The following DAB1 variants were observed in gnomAD, a reference collection of about 807,000 sequenced individuals.
DAB1 encodes the protein DAB adaptor protein 1, also known as disabled homolog 1.
Under a neutral mutation model 64.6 loss-of-function variants are expected in DAB1, and 15 were observed. That is an observed-to-expected ratio of 0.23 (90% CI 0.16 to 0.36). The LOEUF (loss-of-function observed/expected upper bound fraction) is 0.36, where lower values mean the gene tolerates loss of function less well. DAB1 is among the 10% of genes least tolerant of loss of function. The pLI is 1.00. For synonymous variants in DAB1, 235 were observed against 251.9 expected (o/e 0.93, Z 0.64); for missense variants, 596 against 706.7 (o/e 0.84, Z 1.78).
intron 2 of DAB1, among the ~76,000 whole-genome samples, chr1:57,206,583 C>A (rs76595929): frequency 0.029 from 4,455 of 152,222 alleles, 218 homozygotes; most frequent in African/African-American, 0.1. Context: ...GCCATTTACC[C>A]CAGTTTGGGG....
intron 5 of DAB1, among the ~76,000 whole-genome samples, chr1:58,012,007 TAC>T (rs1189916146): frequency 6.6e-6 from 1 of 152,158 alleles, no homozygotes; most frequent in Non-Finnish European, 1.5e-5. Context: ...TTATTGTGCA[TAC>T]ATATATATTT....
At chr1:58,000,743 G>C (rs969967358) in intron 5 of DAB1, among the ~76,000 whole-genome samples, 1 of 151,720 alleles carries the variant, frequency 6.6e-6, no homozygotes, top group African/African-American at 2.4e-5. Context: ...GCTAATCCTT[G>C]TATTTTTAGT....
rs140151510 is a variant in DAB1 at position 57,568,609 on chromosome 1, G to A, written n.625+80983C>T. On this transcript the variant is annotated intron_variant and non_coding_transcript_variant, in intron 7 of 20. Transcript: ENST00000485760. ...AAAACAAACAACCTCATCAAAAACC[G>A]GGCAAAAGGTATGAACAGACATGTC... 2.6e-3 allele frequency among the ~76,000 whole-genome samples: 394 copies of A among 152,098 alleles called. 1 individual carries two copies. Among genetic ancestry groups the A allele is most frequent in the African/African-American group, 8.6e-3 (357 of 41,470 alleles).
intron 6 of DAB1, among the ~76,000 whole-genome samples, chr1:57,798,431 G>A (rs919526476): frequency 3.9e-5 from 6 of 152,196 alleles, no homozygotes; most frequent in African/African-American, 1.4e-4. Context: ...TGTCTTCTAT[G>A]CTTGCTGTGC....
At chr1:57,914,780 T>C (rs11207129) in intron 5 of DAB1, among the ~76,000 whole-genome samples, 1 of 151,916 alleles carries the variant, frequency 6.6e-6, no homozygotes, top group Non-Finnish European at 1.5e-5. Flanking sequence ...ACTCAATGGA[T>C]CATATAAACA....
At chr1:57,233,463 T>C (rs1240381611) in intron 2 of DAB1, among the ~76,000 whole-genome samples, 2 of 151,684 alleles carry the variant, frequency 1.3e-5, no homozygotes, top group Admixed American at 1.3e-4. Context: ...AACAAACTTA[T>C]TTTAAACCTG....
At chr1:57,729,034 A>C (rs1001709312) in intron 6 of DAB1, among the ~76,000 whole-genome samples, 1 of 152,150 alleles carries the variant, frequency 6.6e-6, no homozygotes, top group African/African-American at 2.4e-5. Context: ...AGCTTTAGGT[A>C]TTTTCCAGAA....
At chr1:58,225,228 C>T (rs1659401239) in intron 4 of DAB1, among the ~76,000 whole-genome samples, 2 of 151,746 alleles carry the variant, frequency 1.3e-5, no homozygotes, top group South Asian at 4.2e-4. Flanking sequence ...TCATCACTGG[C>T]CATCAGAGAA....
At chr1:57,813,000 A>T (rs1651699043) in intron 6 of DAB1, among the ~76,000 whole-genome samples, 1 of 152,216 alleles carries the variant, frequency 6.6e-6, no homozygotes, top group Non-Finnish European at 1.5e-5. Context: ...CTTTTAAAGG[A>T]TCATATCACA....
At chr1:57,985,579 A>G (rs1469835000) in intron 5 of DAB1, among the ~76,000 whole-genome samples, 1 of 152,170 alleles carries the variant, frequency 6.6e-6, no homozygotes, top group African/African-American at 2.4e-5. Flanking sequence ...AACTGGTGTA[A>G]GGAGTCAAGG....
intron 1 of DAB1, among the ~76,000 whole-genome samples, chr1:57,882,081 G>C (rs576413604): frequency 1.3e-5 from 2 of 152,290 alleles, no homozygotes; most frequent in South Asian, 2.1e-4. Context: ...CCTTTAAAAA[G>C]AGAGATTCTT....
chr1:57,807,685 A>T (rs1036451433), intron 6 of DAB1, among the ~76,000 whole-genome samples: 4 of 151,686 alleles, frequency 2.6e-5, no homozygotes, highest in Non-Finnish European at 4.4e-5. Context: ...TATATTAAAA[A>T]TTTTTTTTCA....
At chr1:57,374,992 G>A (rs1359316507) in intron 1 of DAB1, among the ~76,000 whole-genome samples, 1 of 151,850 alleles carries the variant, frequency 6.6e-6, no homozygotes, top group Non-Finnish European at 1.5e-5. Flanking sequence ...CAGGATACAG[G>A]CTTCTGCCCA....
In DAB1 at chr1:57,382,694, T is replaced by C. The variant is rs945494988; in HGVS notation, c.-137+41236A>G. Among the ~76,000 whole-genome samples the C allele has an allele frequency of 2.6e-5, 4 of 152,266 alleles. No individual in the cohort carries two copies. The South Asian group carries it at 8.3e-4, about 32-fold the overall frequency. ...AGTCCTTCTCACGCTGCCAACTCTC[T>C]GGTTCTTTGCAGCCGGGGAAAGGTT... On this transcript the variant is annotated intron_variant, in intron 1 of 14. Transcript: ENST00000371236.
chr1:57,468,385 G>GC (rs1687026261), intron 7 of DAB1, among the ~76,000 whole-genome samples: 2 of 152,156 alleles, frequency 1.3e-5, no homozygotes, highest in Non-Finnish European at 2.9e-5. Flanking sequence ...GTTGGAGTCA[G>GC]ACTACAGAAA....
chr1:58,030,380 A>G (rs960593400), intron 5 of DAB1, among the ~76,000 whole-genome samples: 1 of 152,202 alleles, frequency 6.6e-6, no homozygotes, highest in African/African-American at 2.4e-5. Flanking sequence ...TTCCACAACA[A>G]GCATATACTA....
At chr1:57,223,472 C>T (rs1413816864) in intron 2 of DAB1, among the ~76,000 whole-genome samples, 1 of 152,130 alleles carries the variant, frequency 6.6e-6, no homozygotes, top group Admixed American at 6.6e-5. Context: ...CTGCCACCTC[C>T]CCTTTGAACT....
At chr1:58,100,860 T>A (rs1444624684) in intron 5 of DAB1, among the ~76,000 whole-genome samples, 1 of 152,194 alleles carries the variant, frequency 6.6e-6, no homozygotes, top group Non-Finnish European at 1.5e-5. Flanking sequence ...TGGATCTTGT[T>A]CTTGAGGTCA....
chr1:57,642,444 G>A (rs1162454088), intron 7 of DAB1, among the ~76,000 whole-genome samples: 3 of 152,110 alleles, frequency 2.0e-5, no homozygotes, highest in Non-Finnish European at 2.9e-5. Context: ...GCACCACTCT[G>A]TAATAACAAG....
Sources: allele counts gnomAD v4.1 joint callset (sites outside exome capture counted in the v4.1 genomes callset), GRCh38; gene constraint gnomAD v4.1.1; transcripts MANE v1.5; gene names NCBI Gene and HGNC (gene_info 2026-07-23, HGNC 2026-07-21).